DAAM2: variants seen among roughly 807,000 people sequenced by gnomAD.
DAAM2 encodes dishevelled associated activator of morphogenesis 2, also known as disheveled-associated activator of morphogenesis 2.
In DAAM2, 39 loss-of-function variants were observed where a neutral mutation model predicts 120.7. That is an observed-to-expected ratio of 0.32 (90% confidence interval 0.25 to 0.42). DAAM2 has a LOEUF of 0.42. DAAM2 is among the 10% of genes least tolerant of loss of function. The pLI is 1.00. For missense variants in DAAM2, 1,283 were observed against 1,401.7 expected (o/e 0.92, Z 1.35); for synonymous variants, 488 against 524.9 (o/e 0.93, Z 0.96).
At chr6:39,897,408 G>A in intron 21 of DAAM2, 126 bp downstream of exon 21, 1 of 638,352 alleles carries the variant, frequency 1.6e-6, no homozygotes, top group Non-Finnish European at 2.8e-6. Context: ...TGTCTTCTGA[G>A]TTCAAAAGAA....
At chr6:39,887,849 C>T (rs962672630) in intron 16 of DAAM2, 3 of 452,694 alleles carry the variant, frequency 6.6e-6, no homozygotes, top group East Asian at 4.4e-5. Flanking sequence ...CGGAGGGCCT[C>T]GCTTGGCTCA....
chr6:39,819,853 C>A (rs1762429603), intron 1 of DAAM2: 1 of 152,210 alleles, frequency 6.6e-6, no homozygotes, highest in Non-Finnish European at 1.5e-5. Flanking sequence ...GGGCATGAAT[C>A]CCGTTCAGGG....
intron 1 of DAAM2, chr6:39,822,578 CT>C (rs1198638276): frequency 6.6e-6 from 1 of 152,208 alleles, no homozygotes; most frequent in Admixed American, 6.5e-5. Flanking sequence ...ACCAATCACT[CT>C]GCTAAAGGCT....
intron 1 of DAAM2, among the ~76,000 whole-genome samples, chr6:39,838,568 G>C (rs1318346770): frequency 6.6e-6 from 1 of 152,208 alleles, no homozygotes; most frequent in Non-Finnish European, 1.5e-5. Context: ...CACCTGGAGA[G>C]ATTTTACAAC....
intron 1 of DAAM2, among the ~76,000 whole-genome samples, chr6:39,792,706 T>G (rs1761583369): frequency 6.6e-6 from 1 of 152,204 alleles, no homozygotes; most frequent in African/African-American, 2.4e-5. Context: ...TGAGTGTGAT[T>G]GCGTGTGTCT....
At chr6:39,847,413 G>A (rs1763639959) in intron 1 of DAAM2, among the ~76,000 whole-genome samples, 1 of 152,180 alleles carries the variant, frequency 6.6e-6, no homozygotes, top group African/African-American at 2.4e-5. Context: ...TGAGCCGGAG[G>A]AGGGGCTTGG....
chr6:39,804,225 C>T (rs1461055699), intron 1 of DAAM2, among the ~76,000 whole-genome samples: 1 of 152,180 alleles, frequency 6.6e-6, no homozygotes, highest in Non-Finnish European at 1.5e-5. Context: ...ACGAGGTGAG[C>T]TTCTTTTCTC....
intron 19 of DAAM2, 75 bp downstream of exon 19, chr6:39,891,797 T>C: frequency 8.3e-7 from 1 of 1,204,084 alleles, no homozygotes; most frequent in Non-Finnish European, 1.2e-6. Context: ...AGCCAGTGAA[T>C]AGGGGCAGAG....
In DAAM2 at chr6:39,796,500, G is replaced by A. The variant is rs77298778; in HGVS notation, c.-57+4035G>A. ...TAAAACTGCACAGTCAAGATGCTGT[G>A]GGGGGAGGAAGTAAGTGCCTGTTCT... On this transcript the variant is annotated intron_variant, in intron 1 of 24. Transcript: ENST00000274867. Among the ~76,000 whole-genome samples, 1,011 of 151,822 alleles carry A rather than the reference G, an allele frequency of 6.7e-3. 11 individuals are homozygous for A. Among genetic ancestry groups the A allele is most frequent in the African/African-American group, 0.02 (847 of 41,374 alleles).
intron 14 of DAAM2, 170 bp downstream of exon 14, chr6:39,879,647 C>T (rs768297720): frequency 1.1e-4 from 91 of 794,720 alleles, no homozygotes; most frequent in Non-Finnish European, 1.4e-4. Flanking sequence ...AGGCAGCTCA[C>T]GGTCAGAACA....
intron 19 of DAAM2, among the ~76,000 whole-genome samples, chr6:39,893,488 A>T (rs111713047): frequency 3.7e-4 from 56 of 152,250 alleles, no homozygotes; most frequent in African/African-American, 1.3e-3. Context: ...ACTGCACTCC[A>T]GCCTGGGCAA....
intron 1 of DAAM2, among the ~76,000 whole-genome samples, chr6:39,823,673 C>G (rs951525677): frequency 7.9e-5 from 12 of 152,144 alleles, no homozygotes; most frequent in African/African-American, 2.9e-4. Context: ...GGTGAGAAGG[C>G]CATCGCATGA....
chr6:39,894,501 C>A (rs116793487), intron 19 of DAAM2, among the ~76,000 whole-genome samples: 1,732 of 150,824 alleles, frequency 0.011, 20 homozygotes, highest in African/African-American at 0.039. Context: ...AGCTTCCAAC[C>A]CCCCAGAGCC....
chr6:39,875,385 G>T lies in DAAM2; in HGVS notation c.1218G>T (p.Gln406His). The T allele has an allele frequency of 6.2e-7, 1 of 1,613,988 alleles. No homozygotes were observed. The highest frequency in any genetic ancestry group is 8.5e-7 in the Non-Finnish European group (1 of 1,179,878). Reference protein sequence around the residue: ...QQWQLLDRILQQIVLQDERGV... With the variant: ...QQWQLLDRILHQIVLQDERGV... ...GGCAGCTCCTGGACCGCATCCTCCA[G>T]CAGATTGTCCTCCAGGATGAGCGGG... The change falls in exon 11 of 25, where the codon CAG (glutamine) becomes CAT (histidine). Residue 406 changes from glutamine (Q) to histidine (H), a missense_variant. Physicochemically the swap from Gln to His is conservative, Grantham distance 24. Around this residue, in one of 3 missense-constraint regions of DAAM2, gnomAD observed 338 missense variants for 443.9 expected, o/e 0.76. Transcript: ENST00000274867.
At chr6:39,897,305 C>T in intron 21 of DAAM2, 23 bp downstream of exon 21, 1 of 1,442,686 alleles carries the variant, frequency 6.9e-7, no homozygotes, top group Non-Finnish European at 9.8e-7. Context: ...TCCAAGACTT[C>T]CTTCTCCCCA....
In DAAM2 at chr6:39,901,929, G is replaced by A; in HGVS notation, c.3099G>A (p.Gly1033=). ...FDDLVSALRS[G]EVFDKDLCKL... ...ACCTGGTGTCGGCCCTGCGCTCTGGGGAGGTCTTCGACAAGGACTTATGCA... is the reference window on the plus strand; with the variant it reads ...ACCTGGTGTCGGCCCTGCGCTCTGGAGAGGTCTTCGACAAGGACTTATGCA... Residue 1033 remains glycine (G), a synonymous_variant, in exon 25 of 25, where the codon GGG becomes GGA. Coordinates refer to ENST00000274867, the MANE Select transcript of DAAM2 (RefSeq NM_001201427.2). This position sits in a 1 kb window ranked among gnomAD's most constrained non-coding sequence, Gnocchi z 4.5. 1 of 1,611,620 alleles carries A rather than the reference G, an allele frequency of 6.2e-7. No individual in the cohort carries two copies. Among genetic ancestry groups the A allele is most frequent in the Admixed American group, 1.7e-5 (1 of 59,948 alleles).
At chr6:39,867,433 G>A (rs1764475437) in intron 5 of DAAM2, 77 bp from the exon 6 acceptor site, 1 of 1,417,800 alleles carries the variant, frequency 7.1e-7, no homozygotes, top group Non-Finnish European at 9.8e-7. Flanking sequence ...GTGGTACACA[G>A]GTAAGGGGGT....
intron 1 of DAAM2, among the ~76,000 whole-genome samples, chr6:39,824,037 T>C (rs1326805312): frequency 6.6e-6 from 1 of 152,318 alleles, no homozygotes; most frequent in East Asian, 1.9e-4. Context: ...CTCTACCCTC[T>C]TCTGTCTTGT....
chr6:39,843,474 A>G (rs961902851), intron 1 of DAAM2, among the ~76,000 whole-genome samples: 1 of 152,142 alleles, frequency 6.6e-6, no homozygotes, highest in Non-Finnish European at 1.5e-5. Flanking sequence ...TTGGAAACAC[A>G]CAAGGAGTGG....
Sources: allele counts gnomAD v4.1 joint callset (sites outside exome capture counted in the v4.1 genomes callset), GRCh38; gene constraint gnomAD v4.1.1; regional missense constraint gnomAD v4.1.1; non-coding constraint Gnocchi (gnomAD v3.1); transcripts MANE v1.5; gene names NCBI Gene and HGNC (gene_info 2026-07-23, HGNC 2026-07-21).